GALNT13: variants seen among roughly 807,000 people sequenced by gnomAD.
GALNT13 encodes polypeptide N-acetylgalactosaminyltransferase 13, also known as UDP-GalNAc:polypeptide N-acetylgalactosaminyltransferase 13.
GALNT13 carries 28 observed loss-of-function variants against 64.2 expected under a neutral mutation model. The observed-to-expected ratio is 0.44, with a 90% CI of 0.32 to 0.60. The LOEUF is 0.60. GALNT13 is among the 20% of genes least tolerant of loss of function. The probability of loss-of-function intolerance (pLI) is 0.05; values close to 1 mark genes in which losing one functional copy is unlikely to be tolerated. For synonymous variants in GALNT13, 214 were observed against 224.6 expected (o/e 0.95, Z 0.42); for missense variants, 577 against 669.8 (o/e 0.86, Z 1.53).
At chr2:153,244,583 G>T in the GALNT13 span, among the ~76,000 whole-genome samples, 1 of 152,242 alleles carries the variant, frequency 6.6e-6, no homozygotes, top group Non-Finnish European at 1.5e-5. Context: ...AGCCATGAAG[G>T]ACTGTGCAAC....
the GALNT13 span, among the ~76,000 whole-genome samples, chr2:153,112,311 A>C: frequency 6.6e-6 from 1 of 152,040 alleles, no homozygotes; most frequent in Non-Finnish European, 1.5e-5. Context: ...TGAAGGCTCT[A>C]CCCTTCATTA....
At chr2:153,934,729 A>G (rs1264948575) in intron 2 of GALNT13, among the ~76,000 whole-genome samples, 1 of 152,232 alleles carries the variant, frequency 6.6e-6, no homozygotes, top group East Asian at 1.9e-4. Flanking sequence ...TCCTACTTAC[A>G]TGGTGGGTTG....
chr2:154,097,898 A>AT (rs1054121851), intron 3 of GALNT13, among the ~76,000 whole-genome samples: 15 of 152,066 alleles, frequency 9.9e-5, no homozygotes, highest in African/African-American at 3.6e-4. Context: ...TAATTTAAAA[A>AT]TAGGAAGGTA....
At position 153,951,285 on chromosome 2, in the gene GALNT13, A is replaced by C. The variant is rs115595270; in HGVS notation, c.142+6646A>C. Among the ~76,000 whole-genome samples, 1,198 of 152,252 alleles carry C rather than the reference A, an allele frequency of 7.9e-3. 17 individuals are homozygous for C. The highest frequency in any genetic ancestry group is 0.027 in the African/African-American group (1,137 of 41,574). ...TTAAAAGTGGGAAGCCACTGAATGG[A>C]CTTAAAAATCAAAGCAAACAGGATA... is the stretch of plus-strand genomic sequence containing the variant. On this transcript the variant is annotated intron_variant, in intron 3 of 12. Transcript: ENST00000392825.
At chr2:154,367,735 T>A (rs1697451162) in intron 9 of GALNT13, among the ~76,000 whole-genome samples, 1 of 152,224 alleles carries the variant, frequency 6.6e-6, no homozygotes, top group Non-Finnish European at 1.5e-5. Context: ...AGTATGTTTT[T>A]ATGACCTTGC....
chr2:153,711,969 TTG>T, the GALNT13 span, among the ~76,000 whole-genome samples: 1 of 152,190 alleles, frequency 6.6e-6, no homozygotes, highest in African/African-American at 2.4e-5. Flanking sequence ...TTTTGAAATT[TTG>T]AGTAAAATAC....
At chr2:153,202,804 G>A in the GALNT13 span, among the ~76,000 whole-genome samples, 3 of 152,042 alleles carry the variant, frequency 2.0e-5, no homozygotes, top group African/African-American at 7.2e-5. Context: ...ACATATATTT[G>A]TTATTTTTGA....
At chr2:153,960,570 G>A (rs925900024) in intron 3 of GALNT13, among the ~76,000 whole-genome samples, 6 of 152,190 alleles carry the variant, frequency 3.9e-5, no homozygotes, top group African/African-American at 1.4e-4. Context: ...AGAGATGAAG[G>A]GGTGGTTTAT....
chr2:153,774,464 C>A, the GALNT13 span, among the ~76,000 whole-genome samples: 1 of 152,100 alleles, frequency 6.6e-6, no homozygotes, highest in Admixed American at 6.6e-5. Flanking sequence ...AGACAGAATG[C>A]AGACTTCAAG....
intron 9 of GALNT13, among the ~76,000 whole-genome samples, chr2:154,353,614 G>T (rs1696541060): frequency 6.6e-6 from 1 of 152,032 alleles, no homozygotes; most frequent in Non-Finnish European, 1.5e-5. Context: ...GATTTTTTCT[G>T]CAAGTTTGAC....
chr2:154,053,094 T>C (rs547730235), intron 3 of GALNT13, among the ~76,000 whole-genome samples: 2 of 152,288 alleles, frequency 1.3e-5, no homozygotes, highest in Admixed American at 1.3e-4. Context: ...CTTAAAAAAC[T>C]TCCCACAGCT....
At chr2:153,742,533 G>A in the GALNT13 span, among the ~76,000 whole-genome samples, 1 of 152,034 alleles carries the variant, frequency 6.6e-6, no homozygotes, top group African/African-American at 2.4e-5. Context: ...ACCCCCAATA[G>A]TAAACATTGT....
the GALNT13 span, among the ~76,000 whole-genome samples, chr2:153,620,252 T>C: frequency 6.6e-6 from 1 of 152,050 alleles, no homozygotes; most frequent in African/African-American, 2.4e-5. Context: ...GCCTCCCAAG[T>C]AGCTGGGATT....
chr2:154,152,586 G>C (rs976192391), intron 4 of GALNT13, among the ~76,000 whole-genome samples: 4 of 152,036 alleles, frequency 2.6e-5, no homozygotes, highest in Admixed American at 2.0e-4. Context: ...CGTAGGTTTG[G>C]TCTTTTCACA....
intron 8 of GALNT13, among the ~76,000 whole-genome samples, chr2:154,275,416 G>A (rs952029293): frequency 2.0e-5 from 3 of 152,198 alleles, no homozygotes; most frequent in African/African-American, 4.8e-5. Context: ...CTGCATCCCA[G>A]ATGCTCTAGC....
Position 154,148,374 on chromosome 2 carries a change from C to T in GALNT13, c.311+7869C>T, listed in dbSNP as rs1171071328. Among the ~76,000 whole-genome samples, 5 of 151,958 alleles carry T rather than the reference C, an allele frequency of 3.3e-5. No homozygotes were observed. In the South Asian group the frequency reaches 6.2e-4, roughly 19 times the overall value. ...AAGTCTTTGCTATTGTGAATAGTGCCGCAATAAACATACATGTGCACGTGT... is the reference window on the plus strand; with the variant it reads ...AAGTCTTTGCTATTGTGAATAGTGCTGCAATAAACATACATGTGCACGTGT... On this transcript the variant is annotated intron_variant, in intron 4 of 12. Transcript: ENST00000392825.
At chr2:153,176,335 T>C in the GALNT13 span, among the ~76,000 whole-genome samples, 2 of 152,076 alleles carry the variant, frequency 1.3e-5, no homozygotes, top group Non-Finnish European at 2.9e-5. Context: ...TTGTCTAGCA[T>C]ACAATGAAAA....
intron 3 of GALNT13, among the ~76,000 whole-genome samples, chr2:154,081,026 C>T (rs1342247642): frequency 6.6e-6 from 1 of 151,494 alleles, no homozygotes; most frequent in Non-Finnish European, 1.5e-5. Flanking sequence ...TTTGTGGTTG[C>T]TGTGCATCCA....
In GALNT13 at chr2:154,288,798, C is replaced by T. The variant is rs369986836; in HGVS notation, c.976-12611C>T. 2.6e-4 allele frequency among the ~76,000 whole-genome samples: 39 copies of T among 152,158 alleles called. 1 individual carries two copies. The South Asian group carries it at 7.7e-3, about 30-fold the overall frequency. On this transcript the variant is annotated intron_variant, in intron 8 of 12. Transcript: ENST00000392825. ...TTGTGATTTTGCAAGGTACAGGGTA[C>T]AGCTCCACTCCTTACTGCTTTCACA...
Sources: allele counts gnomAD v4.1 joint callset (sites outside exome capture counted in the v4.1 genomes callset), GRCh38; gene constraint gnomAD v4.1.1; transcripts MANE v1.5; gene names NCBI Gene and HGNC (gene_info 2026-07-23, HGNC 2026-07-21).